BID: variants seen among roughly 807,000 people sequenced by gnomAD.
BID encodes BH3-interacting domain death agonist.
In BID, 19 loss-of-function variants were observed where a neutral mutation model predicts 17.4. The observed-to-expected ratio is 1.09, with a 90% CI of 0.76 to 1.60. BID has a LOEUF of 1.60. Among genes scored for constraint, BID ranks in the 40% most tolerant of loss-of-function variants. BID has a pLI of 0.00. For synonymous variants in BID, 108 were observed against 102.8 expected, an observed-to-expected ratio of 1.05 and a Z score of -0.31; for missense variants, 226 against 256.0, an observed-to-expected ratio of 0.88 and a Z score of 0.80.
chr22:17,762,555 CT>C (rs70944204), intron 1 of BID, among the ~76,000 whole-genome samples: 41 of 149,308 alleles, frequency 2.7e-4, no homozygotes, highest in Middle Eastern at 3.5e-3. Context: ...TGAATGAACA[CT>C]TTTTTTTTTT....
At chr22:17,767,573 G>A (rs564520485) in intron 1 of BID, among the ~76,000 whole-genome samples, 8 of 152,288 alleles carry the variant, frequency 5.3e-5, no homozygotes, top group African/African-American at 1.9e-4. Context: ...CACAGAGAAC[G>A]AAGTCTGATC....
chr22:17,751,983 T>C (rs1056817335), intron 1 of BID, among the ~76,000 whole-genome samples: 1 of 152,132 alleles, frequency 6.6e-6, no homozygotes, highest in Admixed American at 6.5e-5. Flanking sequence ...CACAGAACAG[T>C]GGACCAGACC....
chr22:17,735,656 T>A, intron 5 of BID, 65 bp from the exon 6 acceptor site: 3 of 1,599,152 alleles, frequency 1.9e-6, no homozygotes, highest in Non-Finnish European at 2.6e-6. Context: ...GCTCCAGAGC[T>A]CTGTGCCACA....
chr22:17,750,475 TTTA>T (rs2061529743), intron 1 of BID, among the ~76,000 whole-genome samples: 1 of 152,224 alleles, frequency 6.6e-6, no homozygotes, highest in East Asian at 1.9e-4. Context: ...CACAAATTAT[TTTA>T]TTATCATAAA....
chr22:17,755,247 C>T (rs2061573676), intron 1 of BID, among the ~76,000 whole-genome samples: 1 of 152,036 alleles, frequency 6.6e-6, no homozygotes, highest in South Asian at 2.1e-4. Context: ...ACCATGCCCG[C>T]TAATTTAGGA....
intron 1 of BID, among the ~76,000 whole-genome samples, chr22:17,768,037 C>T (rs543980381): frequency 6.6e-6 from 1 of 152,268 alleles, no homozygotes; most frequent in East Asian, 1.9e-4. Context: ...CAAAAGACCA[C>T]GTAGTGTGTG....
intron 1 of BID, among the ~76,000 whole-genome samples, chr22:17,764,987 C>A (rs1193613287): frequency 6.6e-6 from 1 of 152,134 alleles, no homozygotes; most frequent in East Asian, 1.9e-4. Flanking sequence ...CTAAGTAAGT[C>A]TGGACTAGTA....
At position 17,773,984 on chromosome 22, in the gene BID, G is replaced by A; in HGVS notation, c.-59+397C>T. On this transcript the variant is annotated intron_variant, in intron 1 of 5. Coordinates refer to ENST00000622694, the MANE Select transcript of BID (RefSeq NM_001196.4). This position sits in a 1 kb window ranked among gnomAD's most constrained non-coding sequence, Gnocchi z 4.4. Reference sequence around the variant, plus strand: ...GGGATTCCGATCCGCCGGCAAGGGTGGCCTGCACCCGGCCAGGCCCGCGGG... The same window carrying A: ...GGGATTCCGATCCGCCGGCAAGGGTAGCCTGCACCCGGCCAGGCCCGCGGG... 1 of 507,854 alleles carries A rather than the reference G, an allele frequency of 2.0e-6. No individual in the cohort carries two copies. The highest frequency in any genetic ancestry group is 3.5e-6 in the Non-Finnish European group (1 of 282,534). 31.5% of individuals were successfully genotyped at this position (507,854 alleles called of 1,614,324 possible). A position where few individuals can be genotyped will look rare whatever the true frequency, so the allele number is the denominator to read the frequency against.
At chr22:17,765,568 A>G (rs2061672309) in intron 1 of BID, among the ~76,000 whole-genome samples, 1 of 152,256 alleles carries the variant, frequency 6.6e-6, no homozygotes, top group Non-Finnish European at 1.5e-5. Flanking sequence ...TATATTTTTC[A>G]TAATCTTAAA....
chr22:17,752,838 T>C (rs1005688022), intron 1 of BID, among the ~76,000 whole-genome samples: 6 of 152,016 alleles, frequency 3.9e-5, no homozygotes, highest in African/African-American at 1.4e-4. Flanking sequence ...GCTAACTTTT[T>C]GTATTTTTCG....
intron 2 of BID, among the ~76,000 whole-genome samples, chr22:17,748,468 A>G (rs749261244): frequency 1.3e-5 from 2 of 152,176 alleles, no homozygotes; most frequent in Non-Finnish European, 2.9e-5. Flanking sequence ...AGATCGTGCC[A>G]CTGCACTCCA....
At chr22:17,774,007 G>A in intron 1 of BID, 1 of 466,208 alleles carries the variant, frequency 2.1e-6, no homozygotes, top group Non-Finnish European at 3.9e-6. Context: ...CCAGGCCCGC[G>A]GGTTTTCTCC....
chr22:17,751,591 A>G (rs1241740816), intron 1 of BID, among the ~76,000 whole-genome samples: 1 of 152,212 alleles, frequency 6.6e-6, no homozygotes, highest in African/African-American at 2.4e-5. Context: ...AATAAAAAGC[A>G]AACAGAGGAG....
At chr22:17,758,060 C>T (rs1355222171) in intron 1 of BID, among the ~76,000 whole-genome samples, 1 of 152,176 alleles carries the variant, frequency 6.6e-6, no homozygotes, top group Non-Finnish European at 1.5e-5. Context: ...CACCCGGCTC[C>T]ACAAGCTGGC....
rs150209722 is a variant in BID, at chr22:17,751,723, A to G, written c.-58-1549T>C. Among the ~76,000 whole-genome samples, 505 of 152,042 alleles carry G rather than the reference A, an allele frequency of 3.3e-3. 3 individuals carry two copies. Among genetic ancestry groups the G allele is most frequent in the African/African-American group, 0.011 (467 of 41,478 alleles). On this transcript the variant is annotated intron_variant, in intron 1 of 5. Coordinates refer to ENST00000622694, the MANE Select transcript of BID (RefSeq NM_001196.4). ...CCTGCACTGTTGCAGGCTGCACCCT[A>G]CTCTCCCTCTGGGGAGCCCAGGAGA... is the stretch of plus-strand genomic sequence containing the variant.
chr22:17,750,180 A>G lies in BID; in HGVS notation c.-58-6T>C, dbSNP rs777535637. The G allele has an allele frequency of 4.3e-6, 7 of 1,611,696 alleles. No homozygotes were observed. In the African/African-American group the frequency reaches 9.3e-5, roughly 22 times the overall value. On this transcript the variant is annotated splice_polypyrimidine_tract_variant and splice_region_variant and intron_variant, in intron 1 of 5. Transcript: ENST00000622694. The stretch of plus-strand genomic sequence containing the variant: ...CACAGTGTCCCAGTGGCGACCTGGA[A>G]AGGGACACACAGAGTGGGCGGCCGC...
intron 3 of BID, 124 bp downstream of exon 3, chr22:17,743,679 C>A (rs372965503): frequency 3.1e-6 from 3 of 960,508 alleles, no homozygotes; most frequent in Non-Finnish European, 4.6e-6. Flanking sequence ...TACCAGCGTA[C>A]GTGGCAGCTG....
intron 1 of BID, among the ~76,000 whole-genome samples, chr22:17,751,387 A>G (rs1306342249): frequency 6.6e-6 from 1 of 152,204 alleles, no homozygotes; most frequent in Non-Finnish European, 1.5e-5. Flanking sequence ...TCAAAAAAAA[A>G]AAAAAAGACT....
intron 1 of BID, among the ~76,000 whole-genome samples, chr22:17,768,987 A>G (rs1362619472): frequency 6.6e-6 from 1 of 152,046 alleles, no homozygotes; most frequent in East Asian, 1.9e-4. Context: ...GCTTGCAGGG[A>G]GCAGAGATCG....
Sources: gnomAD v4.1 joint callset for allele counts (sites outside exome capture counted in the v4.1 genomes callset) on GRCh38, gnomAD v4.1.1 for gene constraint, Gnocchi (gnomAD v3.1) non-coding constraint, MANE v1.5 for transcripts, NCBI Gene and HGNC (gene_info 2026-07-23, HGNC 2026-07-21) for gene names.